The following VASH2 variants were observed in gnomAD, a reference collection of about 807,000 sequenced individuals.
The protein encoded by VASH2 is vasohibin 2, also known as tubulinyl-Tyr carboxypeptidase 2.
In VASH2, 28 loss-of-function variants were observed where a neutral mutation model predicts 37.2. The observed-to-expected ratio is 0.75, with a 90% confidence interval of 0.56 to 1.03. The LOEUF (loss-of-function observed/expected upper bound fraction) is 1.03. Ranked by LOEUF, VASH2 falls within the 50% of genes least tolerant of loss-of-function variation. VASH2 has a pLI of 0.00. For synonymous variants in VASH2, 188 were observed against 174.7 expected, an observed-to-expected ratio of 1.08 and a Z score of -0.60; for missense variants, 419 against 459.1, an observed-to-expected ratio of 0.91 and a Z score of 0.80.
chr1:212,966,373 T>G lies in VASH2; in HGVS notation c.497+28T>G, dbSNP rs1291500421. Reference sequence around the variant, plus strand: ...ATCCTTTAAGTTATGTATGCTTAGTTTACTCCATAAATGGCGGCTTCACAA... The same window carrying G: ...ATCCTTTAAGTTATGTATGCTTAGTGTACTCCATAAATGGCGGCTTCACAA... On this transcript the variant is annotated intron_variant, in intron 5 of 7. Transcript: ENST00000517399. 3.9e-6 allele frequency: 6 copies of G among 1,544,328 alleles called. No homozygotes were observed. In the Admixed American group the frequency reaches 1.2e-4, roughly 30 times the overall value.
intron 7 of VASH2, 137 bp from the exon 8 acceptor site, chr1:212,988,375 C>A (rs1044049609): frequency 4.9e-6 from 4 of 815,490 alleles, no homozygotes; most frequent in Admixed American, 2.1e-5. Flanking sequence ...TGAGCTAAGG[C>A]TGGCAGGGTG....
intron 3 of VASH2, among the ~76,000 whole-genome samples, chr1:212,962,738 T>TAGG (rs1558144113): frequency 6.6e-6 from 1 of 152,166 alleles, no homozygotes; most frequent in Admixed American, 6.5e-5. Context: ...AAGGCAATAT[T>TAGG]AGGAGGAGGA....
At chr1:212,984,296 G>GGGC (rs1667414876) in intron 7 of VASH2, among the ~76,000 whole-genome samples, 1 of 152,124 alleles carries the variant, frequency 6.6e-6, no homozygotes. Flanking sequence ...ATGGGCTGAG[G>GGGC]GGCTCCAAAG....
intron 5 of VASH2, chr1:212,967,162 A>G (rs1228365706): frequency 3.8e-6 from 5 of 1,304,238 alleles, no homozygotes; most frequent in Non-Finnish European, 5.1e-6. Context: ...TTTCTGTTCC[A>G]TTTTTCACCA....
chr1:212,985,167 G>C (rs1017061466), intron 7 of VASH2, among the ~76,000 whole-genome samples: 15 of 147,696 alleles, frequency 1.0e-4, no homozygotes, highest in Non-Finnish European at 1.8e-4. Context: ...GACTACAGGC[G>C]CATGTCACCA....
chr1:212,952,111 A>G (rs940455665), intron 2 of VASH2, among the ~76,000 whole-genome samples: 1 of 152,156 alleles, frequency 6.6e-6, no homozygotes, highest in African/African-American at 2.4e-5. Flanking sequence ...ACTCACCCCC[A>G]CATACATCCT....
rs2075847990 is a variant in VASH2 at position 212,990,531 on chromosome 1, T to C, written c.*1947T>C. 6.6e-6 allele frequency: 1 copy of C among 152,224 alleles called. No individual in the cohort carries two copies. The highest frequency in any genetic ancestry group is 2.1e-4 in the South Asian group (1 of 4,830). 9.4% of individuals were successfully genotyped at this position (152,224 alleles called of 1,614,324 possible). ...TAGACCTCTTATAACACTGCAACCA[T>C]TCTAAGAGTTGGAATTTATTTTTGC... On this transcript the variant is annotated 3_prime_UTR_variant, in exon 8 of 8. Transcript: ENST00000517399.
intron 2 of VASH2, among the ~76,000 whole-genome samples, chr1:212,959,063 C>T (rs1666587495): frequency 6.6e-6 from 1 of 152,178 alleles, no homozygotes; most frequent in South Asian, 2.1e-4. Context: ...TTCCCCTCCT[C>T]TCTGCCTCTG....
intron 5 of VASH2, among the ~76,000 whole-genome samples, chr1:212,972,115 C>T (rs1434410917): frequency 6.6e-6 from 1 of 152,182 alleles, no homozygotes; most frequent in Non-Finnish European, 1.5e-5. Flanking sequence ...CTTCTGCATT[C>T]CCAATTGTTC....
Position 212,988,745 on chromosome 1 carries a change from T to C in VASH2, c.*161T>C, listed in dbSNP as rs2075824561. 1.3e-6 allele frequency: 1 copy of C among 777,524 alleles called. No homozygotes were observed. The highest frequency in any genetic ancestry group is 2.1e-6 in the Non-Finnish European group (1 of 483,554). The allele number at this position is 777,524 out of a possible 1,614,324, so 48.2% of individuals were successfully genotyped here. On this transcript the variant is annotated 3_prime_UTR_variant, in exon 8 of 8. Coordinates refer to ENST00000517399, the MANE Select transcript of VASH2 (RefSeq NM_001301056.2). Reference sequence around the variant, plus strand: ...CTGAGTGGGTGGTAACCATTAGCTTTAAAAAATTCACTAAAAGGCACCATG... The same window carrying C: ...CTGAGTGGGTGGTAACCATTAGCTTCAAAAAATTCACTAAAAGGCACCATG...
chr1:212,957,010 C>T (rs951467230), intron 2 of VASH2, among the ~76,000 whole-genome samples: 3 of 152,156 alleles, frequency 2.0e-5, no homozygotes, highest in Admixed American at 6.5e-5. Context: ...TGTATCCATT[C>T]CACACTAACT....
At chr1:212,983,075 C>G (rs911348215) in intron 7 of VASH2, among the ~76,000 whole-genome samples, 2 of 152,182 alleles carry the variant, frequency 1.3e-5, no homozygotes, top group Non-Finnish European at 2.9e-5. Flanking sequence ...ACAGATGATT[C>G]ACTATCATCC....
chr1:212,985,354 A>G (rs1182400251), intron 7 of VASH2, among the ~76,000 whole-genome samples: 1 of 149,554 alleles, frequency 6.7e-6, no homozygotes, highest in Non-Finnish European at 1.5e-5. Flanking sequence ...ATTCACTTTT[A>G]TGTAAAAGCA....
intron 5 of VASH2, chr1:212,968,681 G>C: frequency 1.0e-6 from 1 of 985,580 alleles, no homozygotes; most frequent in South Asian, 4.7e-5. Flanking sequence ...AATGGGGGTC[G>C]GGGCAGCAGA....
intron 7 of VASH2, among the ~76,000 whole-genome samples, chr1:212,977,550 G>A (rs1242066097): frequency 3.3e-5 from 5 of 151,950 alleles, no homozygotes; most frequent in South Asian, 2.1e-4. Flanking sequence ...GTGGGTGGGG[G>A]AGAGGGTAGG....
In VASH2 at chr1:212,972,834, A is replaced by T; in HGVS notation, c.752A>T (p.Tyr251Phe). The T allele has an allele frequency of 6.2e-7, 1 of 1,614,174 alleles. No homozygotes were observed. Among genetic ancestry groups the T allele is most frequent in the Non-Finnish European group, 8.5e-7 (1 of 1,180,030 alleles). ...HTVKKVKIGLYVPHEPHSFQP... is the reference protein window; with the variant it reads ...HTVKKVKIGLFVPHEPHSFQP... ...GTCAAGAAGGTCAAGATTGGGCTGT[A>T]CGTCCCCCATGAGCCTCATAGCTTC... Residue 251 changes from tyrosine to phenylalanine, a missense_variant, in exon 6 of 8, where the codon TAC becomes TTC. Physicochemically the swap from Tyr to Phe is conservative, Grantham distance 22. Around this residue, in one of 3 missense-constraint regions of VASH2, gnomAD observed 177 missense variants for 166.2 expected, o/e 1.06. Transcript: ENST00000517399.
At position 212,971,823 on chromosome 1, in the gene VASH2, T is replaced by C. The variant is rs924700570; in HGVS notation, c.498-757T>C. Among the ~76,000 whole-genome samples the C allele has an allele frequency of 6.6e-6, 1 of 151,882 alleles. No homozygotes were observed. The highest frequency in any genetic ancestry group is 2.4e-5 in the African/African-American group (1 of 41,330). On this transcript the variant is annotated intron_variant, in intron 5 of 7. Transcript: ENST00000517399. This position sits in a 1 kb window ranked among gnomAD's most constrained non-coding sequence, Gnocchi z 4.0. The stretch of plus-strand genomic sequence containing the variant: ...AGCAGCCCTTTTAAGTGTAAGGCAG[T>C]GCACATCCACAATCTAAGGTTCGTT...
intron 6 of VASH2, chr1:212,973,512 A>C: frequency 1.5e-6 from 2 of 1,290,524 alleles, no homozygotes; most frequent in Non-Finnish European, 2.0e-6. Flanking sequence ...TTCACTCTGC[A>C]GGACCTGGAG....
rs1329388191 is a variant in VASH2 at position 212,966,351 on chromosome 1, C to T, written c.497+6C>T. 3.2e-6 allele frequency: 5 copies of T among 1,551,300 alleles called. No homozygotes were observed. In the East Asian group the frequency reaches 1.2e-4, roughly 38 times the overall value. ...GAAGCTGTCATCCTGGGCATGTATC[C>T]TTTAAGTTATGTATGCTTAGTTTAC... On this transcript the variant is annotated splice_donor_region_variant and intron_variant, in intron 5 of 7. Coordinates refer to ENST00000517399, the MANE Select transcript of VASH2 (RefSeq NM_001301056.2).
Sources: allele counts gnomAD v4.1 joint callset (sites outside exome capture counted in the v4.1 genomes callset), GRCh38; gene constraint gnomAD v4.1.1; regional missense constraint gnomAD v4.1.1; non-coding constraint Gnocchi (gnomAD v3.1); transcripts MANE v1.5; gene names NCBI Gene and HGNC (gene_info 2026-07-23, HGNC 2026-07-21).